Variants in GREB1 observed in about 807,000 individuals in gnomAD.
GREB1 encodes protein GREB1.
GREB1 carries 106 observed loss-of-function variants against 200.7 expected under a neutral mutation model. The ratio of observed to expected loss-of-function variants is 0.53; its 90% CI spans 0.45 to 0.62. The LOEUF is 0.62. Ranked by LOEUF, GREB1 falls within the 20% of genes least tolerant of loss-of-function variation. The pLI is 0.00. For synonymous variants in GREB1, 1,132 were observed against 1,092.4 expected, an observed-to-expected ratio of 1.04 and a Z score of -0.72; for missense variants, 2,243 against 2,556.8, an observed-to-expected ratio of 0.88 and a Z score of 2.65.
intron 1 of GREB1, among the ~76,000 whole-genome samples, chr2:11,528,002 A>G (rs1673946100): frequency 1.3e-5 from 2 of 152,216 alleles, no homozygotes; most frequent in African/African-American, 4.8e-5. Context: ...CAGTCAAATA[A>G]CTGCAGAATA....
chr2:11,595,692 G>A (rs1375615107), intron 12 of GREB1, among the ~76,000 whole-genome samples: 4 of 152,070 alleles, frequency 2.6e-5, no homozygotes, highest in Admixed American at 2.0e-4. Flanking sequence ...AGCCTTGGTG[G>A]CCTCTCTTCC....
intron 1 of GREB1, among the ~76,000 whole-genome samples, chr2:11,483,244 A>G: frequency 7.3e-6 from 1 of 137,836 alleles, no homozygotes; most frequent in African/African-American, 2.8e-5. Flanking sequence ...GTGTGCGTGT[A>G]TGGGTGTGCG....
rs1004482257 is a variant in GREB1, at chr2:11,642,534, A to G, written c.*2080A>G. The stretch of plus-strand genomic sequence containing the variant: ...AGATGATGCCGAAGAGTTGATGTCA[A>G]TCTTTTTTTCCTAAGAAAAAAAGTC... On this transcript the variant is annotated 3_prime_UTR_variant, in exon 33 of 33. Transcript: ENST00000381486. 23 of 152,330 alleles carry G rather than the reference A, an allele frequency of 1.5e-4. No homozygotes were observed. The highest frequency in any genetic ancestry group is 3.1e-4 in the Non-Finnish European group (21 of 68,020). The allele number at this position is 152,330 out of a possible 1,614,324, so 9.4% of individuals were successfully genotyped here.
chr2:11,549,267 G>C (rs1000211063), intron 1 of GREB1, among the ~76,000 whole-genome samples: 1 of 152,078 alleles, frequency 6.6e-6, no homozygotes, highest in Non-Finnish European at 1.5e-5. Context: ...CCCCCAAAGA[G>C]TTTATTTTCT....
intron 11 of GREB1, among the ~76,000 whole-genome samples, chr2:11,594,993 C>CT (rs371356681): frequency 0.51 from 72,781 of 142,852 alleles, 18,281 homozygotes; most frequent in Middle Eastern, 0.59. Flanking sequence ...TGTGCCTGGC[C>CT]TTTTTTTTTT....
In GREB1 at chr2:11,597,965, T is replaced by C. The variant is rs1435547; in HGVS notation, c.2139T>C (p.His713=). The change falls in exon 14 of 33, where the codon CAT becomes CAC. Residue 713 remains histidine, a synonymous_variant. Coordinates refer to ENST00000381486, the MANE Select transcript of GREB1 (RefSeq NM_014668.4). The surrounding 1 kb of genome is among the most constrained non-coding windows in gnomAD (Gnocchi z 4.1). ...SEVTYQQTLL[H]VWHSGVLLEL... is the part of the protein sequence containing the mutation. ...TGACCTACCAGCAGACTCTGCTCCA[T>C]GTGTGGCATTCAGGTATGGGGCATT... 0.98 allele frequency: 1,587,340 copies of C among 1,613,756 alleles called. 782,270 individuals are homozygous for C. Among genetic ancestry groups the C allele is most frequent in the Non-Finnish European group, 1 (1,176,713 of 1,179,664 alleles).
At chr2:11,504,478 A>G (rs185225548) in intron 1 of GREB1, among the ~76,000 whole-genome samples, 3 of 152,346 alleles carry the variant, frequency 2.0e-5, no homozygotes, top group East Asian at 3.9e-4. Flanking sequence ...CACCACCTCC[A>G]TGAATTCCAA....
Position 11,635,254 on chromosome 2 carries a change from C to T in GREB1, c.5211-16C>T, listed in dbSNP as rs560055951. On this transcript the variant is annotated splice_polypyrimidine_tract_variant and intron_variant, in intron 29 of 32. Coordinates refer to ENST00000381486, the MANE Select transcript of GREB1 (RefSeq NM_014668.4). Reference sequence around the variant, plus strand: ...CTGTGCCCCATCAGACCCACCCCTCCTCTGGCCCTGAGTAGGTTCCTGTGT... The same window carrying T: ...CTGTGCCCCATCAGACCCACCCCTCTTCTGGCCCTGAGTAGGTTCCTGTGT... 5.0e-6 allele frequency: 8 copies of T among 1,614,080 alleles called. No homozygotes were observed. Among genetic ancestry groups the T allele is most frequent in the East Asian group, 2.2e-5 (1 of 44,888 alleles).
intron 4 of GREB1, 47 bp from the exon 5 acceptor site, chr2:11,576,306 T>C: frequency 7.2e-7 from 1 of 1,393,144 alleles, no homozygotes; most frequent in South Asian, 1.3e-5. Context: ...AGACTTCATC[T>C]CAAAAAAAAA....
At chr2:11,551,303 G>A (rs985142838) in intron 1 of GREB1, among the ~76,000 whole-genome samples, 9 of 152,302 alleles carry the variant, frequency 5.9e-5, no homozygotes, top group East Asian at 1.9e-4. Flanking sequence ...GAATCTCCAC[G>A]TAGAGAGTTT....
intron 1 of GREB1, among the ~76,000 whole-genome samples, chr2:11,503,703 C>T (rs1308189079): frequency 6.6e-6 from 1 of 152,290 alleles, no homozygotes; most frequent in African/African-American, 2.4e-5. Context: ...GGCCACTTTC[C>T]GAGTGTGGAA....
In GREB1 at chr2:11,562,535, A is replaced by G. The variant is rs10929757; in HGVS notation, c.230A>G (p.Asn77Ser). 1 of 1,603,422 alleles carries G rather than the reference A, an allele frequency of 6.2e-7. No homozygotes were observed. The highest frequency in any genetic ancestry group is 1.1e-5 in the South Asian group (1 of 89,988). Residue 77 changes from asparagine (N) to serine (S), a missense_variant, in exon 3 of 33, where the codon AAC becomes AGC. Physicochemically the swap from Asn to Ser is conservative, Grantham distance 46. This residue lies in a region of GREB1 where 1,178 missense variants were observed against 1,387.4 expected (regional missense o/e 0.85). Coordinates refer to ENST00000381486, the MANE Select transcript of GREB1 (RefSeq NM_014668.4). ...EGGLETNGPP[N>S]PFQLHPLPEG... ...GGGCTGGAAACAAATGGCCCCCCAAACCCTTTCCAGCTGCACCCTCTGCCT... is the reference window on the plus strand; with the variant it reads ...GGGCTGGAAACAAATGGCCCCCCAAGCCCTTTCCAGCTGCACCCTCTGCCT...
At chr2:11,495,689 G>A (rs554573259) in intron 1 of GREB1, among the ~76,000 whole-genome samples, 25 of 152,206 alleles carry the variant, frequency 1.6e-4, no homozygotes, top group African/African-American at 6.0e-4. Flanking sequence ...ACACACCTGG[G>A]AGATGGCTGA....
chr2:11,576,274 T>C (rs1213765299), intron 4 of GREB1, 79 bp from the exon 5 acceptor site: 3 of 1,196,074 alleles, frequency 2.5e-6, no homozygotes, highest in African/African-American at 3.1e-5. Flanking sequence ...ACCATTGCAT[T>C]CCAGCCTAGA....
intron 3 of GREB1, among the ~76,000 whole-genome samples, chr2:11,564,411 G>A (rs1175708290): frequency 6.6e-6 from 1 of 152,182 alleles, no homozygotes; most frequent in Non-Finnish European, 1.5e-5. Flanking sequence ...CAGGCATGGT[G>A]GCACAAGTAG....
chr2:11,607,530 A>ATATATACG (rs1682458597), intron 17 of GREB1, among the ~76,000 whole-genome samples: 1 of 94,396 alleles, frequency 1.1e-5, no homozygotes, highest in African/African-American at 4.0e-5. Flanking sequence ...ATATATATAC[A>ATATATACG]CATATATATA....
chr2:11,530,552 C>T (rs1376146280), upstream of GREB1, among the ~76,000 whole-genome samples: 3 of 128,318 alleles, frequency 2.3e-5, no homozygotes, highest in South Asian at 2.6e-4. Flanking sequence ...GAGGACAGAG[C>T]GAGACTCGGT....
At chr2:11,638,625 C>A (rs1685571134) in intron 31 of GREB1, 46 bp from the exon 32 acceptor site, 2 of 1,589,334 alleles carry the variant, frequency 1.3e-6, no homozygotes, top group Admixed American at 1.7e-5. Context: ...TGTTACTGAG[C>A]ATTTCATAGA....
rs188995400 is a variant in GREB1 at position 11,552,903 on chromosome 2, G to T, written c.-161-3551G>T. On this transcript the variant is annotated intron_variant, in intron 1 of 32. Transcript: ENST00000381486. ...CGCACGCCTGTAGTCCCAGCTACACGGGAGGCTGAGGCAGGAGAATGGCGT... is the reference window on the plus strand; with the variant it reads ...CGCACGCCTGTAGTCCCAGCTACACTGGAGGCTGAGGCAGGAGAATGGCGT... 3.8e-4 allele frequency among the ~76,000 whole-genome samples: 58 copies of T among 151,524 alleles called. No homozygotes were observed. The East Asian group carries it at 0.011, about 28-fold the overall frequency.
Sources: gnomAD v4.1 joint callset for allele counts (sites outside exome capture counted in the v4.1 genomes callset) on GRCh38, gnomAD v4.1.1 for gene constraint, gnomAD v4.1.1 regional missense constraint, Gnocchi (gnomAD v3.1) non-coding constraint, MANE v1.5 for transcripts, NCBI Gene and HGNC (gene_info 2026-07-23, HGNC 2026-07-21) for gene names.